The following ADAM32 variants were observed in gnomAD, a reference collection of about 807,000 sequenced individuals.
ADAM32 encodes ADAM metallopeptidase domain 32.
In ADAM32, 89 loss-of-function variants were observed where a neutral mutation model predicts 114.9. The observed-to-expected ratio is 0.77, with a 90% CI of 0.65 to 0.92. The LOEUF is 0.92. Ranked by LOEUF, ADAM32 falls within the 40% of genes least tolerant of loss-of-function variation. ADAM32 has a pLI of 0.00. For synonymous variants in ADAM32, 285 were observed against 307.5 expected, an observed-to-expected ratio of 0.93 and a Z score of 0.77; for missense variants, 870 against 932.8, an observed-to-expected ratio of 0.93 and a Z score of 0.88.
chr8:39,158,257 G>A, intron 6 of ADAM32: 2 of 27,788 alleles, frequency 7.2e-5, no homozygotes, highest in Non-Finnish European at 1.2e-4. Context: ...TGCTGTTGAA[G>A]TCCTTCTTCA....
intron 6 of ADAM32, among the ~76,000 whole-genome samples, chr8:39,160,539 CAAAAAAAAAAAAA>C (rs71218314): frequency 4.4e-5 from 3 of 68,354 alleles, no homozygotes; most frequent in African/African-American, 1.3e-4. Flanking sequence ...GACTCCATCT[CAAAAAAAAAAAAA>C]AAAAAAAAAA....
chr8:39,134,909 AC>A (rs550402840), intron 2 of ADAM32, among the ~76,000 whole-genome samples: 68 of 152,240 alleles, frequency 4.5e-4, no homozygotes, highest in African/African-American at 1.6e-3. Flanking sequence ...TAATCCTAGC[AC>A]TTTGGGAGGC....
At chr8:39,215,707 CTT>C (rs1210300031) in intron 12 of ADAM32, among the ~76,000 whole-genome samples, 2 of 151,908 alleles carry the variant, frequency 1.3e-5, no homozygotes, top group African/African-American at 2.4e-5. Context: ...CAAAATTCCT[CTT>C]GTTATTCGTT....
intron 5 of ADAM32, among the ~76,000 whole-genome samples, chr8:39,150,639 G>A (rs1803766260): frequency 6.6e-6 from 1 of 151,994 alleles, no homozygotes; most frequent in Non-Finnish European, 1.5e-5. Context: ...TGTAGTGTAG[G>A]GTGTTTGTTT....
At chr8:39,249,412 T>G (rs1383220295) in intron 17 of ADAM32, among the ~76,000 whole-genome samples, 1 of 152,070 alleles carries the variant, frequency 6.6e-6, no homozygotes, top group East Asian at 1.9e-4. Flanking sequence ...ATAGTGAGAG[T>G]TTTTTGCATC....
intron 10 of ADAM32, among the ~76,000 whole-genome samples, chr8:39,181,900 A>G (rs1805919005): frequency 6.6e-6 from 1 of 152,222 alleles, no homozygotes; most frequent in South Asian, 2.1e-4. Context: ...GACAAGGGCT[A>G]GAGTGTGAAA....
intron 11 of ADAM32, among the ~76,000 whole-genome samples, chr8:39,188,367 A>ATCTG (rs1191959781): frequency 1.1e-4 from 7 of 62,184 alleles, no homozygotes; most frequent in East Asian, 6.9e-4. Flanking sequence ...GAATCTGTCT[A>ATCTG]TCTATCTGTC....
intron 12 of ADAM32, among the ~76,000 whole-genome samples, chr8:39,217,141 T>A (rs1392281187): frequency 6.6e-6 from 1 of 151,780 alleles, no homozygotes; most frequent in Non-Finnish European, 1.5e-5. Flanking sequence ...TATGCTATCC[T>A]AAGGCAAAAG....
intron 9 of ADAM32, chr8:39,166,343 C>T (rs1455453043): frequency 6.6e-6 from 1 of 152,236 alleles, no homozygotes; most frequent in Non-Finnish European, 1.5e-5. Context: ...AGTCTCCAAT[C>T]TCATCCAGGT....
intron 12 of ADAM32, among the ~76,000 whole-genome samples, chr8:39,216,107 A>T (rs1014464896): frequency 6.6e-6 from 1 of 151,984 alleles, no homozygotes; most frequent in Admixed American, 6.6e-5. Context: ...TGTATTTACA[A>T]TTGTTATATA....
chr8:39,182,975 G>C (rs1195008515), intron 10 of ADAM32, among the ~76,000 whole-genome samples: 3 of 152,158 alleles, frequency 2.0e-5, no homozygotes, highest in Non-Finnish European at 2.9e-5. Flanking sequence ...GTACTCTGAG[G>C]TCAAATGGTA....
intron 11 of ADAM32, among the ~76,000 whole-genome samples, chr8:39,201,553 T>C (rs1351377843): frequency 6.6e-6 from 1 of 152,226 alleles, no homozygotes; most frequent in African/African-American, 2.4e-5. Flanking sequence ...TTTCTAGATA[T>C]ACAATCACGT....
chr8:39,149,681 C>T (rs72640066), intron 4 of ADAM32, 110 bp from the exon 5 acceptor site: 97,658 of 757,892 alleles, frequency 0.13, 6,596 homozygotes, highest in Admixed American at 0.16. Context: ...TGATATAAAT[C>T]ACGGAGCCTG....
At chr8:39,209,714 T>C (rs1585546723) in intron 11 of ADAM32, among the ~76,000 whole-genome samples, 1 of 152,350 alleles carries the variant, frequency 6.6e-6, no homozygotes, top group Middle Eastern at 3.4e-3. Context: ...TCAATTACGC[T>C]GTGGCTCTCT....
At chr8:39,203,698 C>T (rs1018725901) in intron 11 of ADAM32, among the ~76,000 whole-genome samples, 5 of 152,174 alleles carry the variant, frequency 3.3e-5, no homozygotes, top group Non-Finnish European at 5.9e-5. Flanking sequence ...TTATTTTGCT[C>T]GTTAGTTGAT....
At chr8:39,171,427 C>T (rs922722823) in intron 10 of ADAM32, among the ~76,000 whole-genome samples, 2 of 152,158 alleles carry the variant, frequency 1.3e-5, no homozygotes, top group African/African-American at 4.8e-5. Flanking sequence ...TGTATATCTT[C>T]TACTTCGTGT....
At chr8:39,229,935 A>G (rs918356020) in intron 14 of ADAM32, among the ~76,000 whole-genome samples, 1 of 152,182 alleles carries the variant, frequency 6.6e-6, no homozygotes, top group South Asian at 2.1e-4. Flanking sequence ...GGATAGACCC[A>G]AAGATAAGCC....
intron 2 of ADAM32, among the ~76,000 whole-genome samples, chr8:39,133,265 T>G (rs1434727724): frequency 2.0e-5 from 3 of 152,232 alleles, no homozygotes; most frequent in African/African-American, 4.8e-5. Context: ...TCTCACCATG[T>G]GATCTGCTCC....
chr8:39,147,096 TAATTA>T, intron 3 of ADAM32, 29 bp from the exon 4 acceptor site: 1 of 833,306 alleles, frequency 1.2e-6, no homozygotes, highest in Non-Finnish European at 1.6e-6. Flanking sequence ...TCAAAAAGAA[TAATTA>T]AAAAAATTTC....
Sources: allele counts gnomAD v4.1 joint callset (sites outside exome capture counted in the v4.1 genomes callset), GRCh38; gene constraint gnomAD v4.1.1; transcripts MANE v1.5; gene names NCBI Gene and HGNC (gene_info 2026-07-23, HGNC 2026-07-21).